Variants in ADRA1B observed in about 807,000 individuals in gnomAD.
ADRA1B encodes alpha-1B adrenergic receptor.
In ADRA1B, 17 loss-of-function variants were observed where a neutral mutation model predicts 17.9. The observed-to-expected ratio is 0.95, with a 90% CI of 0.65 to 1.42. The LOEUF (loss-of-function observed/expected upper bound fraction) is 1.42. Ranked by LOEUF, ADRA1B falls within the 40% of genes most tolerant of loss-of-function variation. The pLI is 0.00. For synonymous variants in ADRA1B, 366 were observed against 327.6 expected, an observed-to-expected ratio of 1.12 and a Z score of -1.27; for missense variants, 681 against 722.1, an observed-to-expected ratio of 0.94 and a Z score of 0.65.
intron 1 of ADRA1B, among the ~76,000 whole-genome samples, chr5:159,943,473 T>A (rs137933882): frequency 2.8e-3 from 430 of 152,244 alleles, no homozygotes; most frequent in African/African-American, 9.9e-3. Context: ...AAGACCCTGA[T>A]GAAAGAATGC....
chr5:159,929,747 G>GA (rs757135242), intron 1 of ADRA1B, among the ~76,000 whole-genome samples: 5,055 of 147,984 alleles, frequency 0.034, 116 homozygotes, highest in Middle Eastern at 0.062. Flanking sequence ...ATTTGAATCA[G>GA]AAAAAAAAAA....
rs769428875 is a variant in ADRA1B, at chr5:159,917,281, G to A, written c.376G>A (p.Val126Ile). Residue 126 changes from valine to isoleucine, a missense_variant, in exon 1 of 2, where the codon GTC becomes ATC. Physicochemically the swap from Val to Ile is conservative, Grantham distance 29. Coordinates refer to ENST00000306675, the MANE Select transcript of ADRA1B (RefSeq NM_000679.4). Reference sequence around the variant, plus strand: ...CTGTGACATCTGGGCAGCCGTGGATGTCCTGTGCTGCACAGCGTCCATTCT... The same window carrying A: ...CTGTGACATCTGGGCAGCCGTGGATATCCTGTGCTGCACAGCGTCCATTCT... ...IFCDIWAAVD[V>I]LCCTASILSL... 1 of 1,614,128 alleles carries A rather than the reference G, an allele frequency of 6.2e-7. No individual in the cohort carries two copies.
chr5:159,987,938 G>A, the ADRA1B span, among the ~76,000 whole-genome samples: 3 of 151,994 alleles, frequency 2.0e-5, no homozygotes, highest in African/African-American at 4.8e-5. Flanking sequence ...CCCCTCGGCC[G>A]GCCGCCCAAA....
At chr5:159,877,138 A>G (rs1446289419) in intron 1 of ADRA1B, among the ~76,000 whole-genome samples, 7 of 152,182 alleles carry the variant, frequency 4.6e-5, no homozygotes, top group African/African-American at 1.2e-4. Flanking sequence ...TTCATAAATC[A>G]AGGCTTGTTG....
chr5:159,887,361 G>T (rs941450082), intron 1 of ADRA1B, among the ~76,000 whole-genome samples: 1 of 152,304 alleles, frequency 6.6e-6, no homozygotes, highest in Non-Finnish European at 1.5e-5. Context: ...TTTCAAGAGG[G>T]AATGTCAGTT....
At chr5:159,886,023 A>C (rs1753919771) in intron 1 of ADRA1B, among the ~76,000 whole-genome samples, 1 of 152,224 alleles carries the variant, frequency 6.6e-6, no homozygotes, top group African/African-American at 2.4e-5. Flanking sequence ...CTGCGCATTT[A>C]ATCTCCATGC....
intron 1 of ADRA1B, among the ~76,000 whole-genome samples, chr5:159,957,929 CAAAA>C (rs35956137): frequency 1.5e-5 from 1 of 66,850 alleles, no homozygotes; most frequent in South Asian, 4.9e-4. Context: ...AACCCCATCT[CAAAA>C]AAAAAAAAAA....
In ADRA1B at chr5:159,941,919, C is replaced by CTTT. The variant is rs70987983; in HGVS notation, c.949+24084_949+24086dup. ...ATGACTGCTAATGGGTACTGGGTTT[C>CTTT]TTTTTTTTTTTTTTTTTTTTTGAGA... is the stretch of plus-strand genomic sequence containing the variant. On this transcript the variant is annotated intron_variant, in intron 1 of 1. Transcript: ENST00000306675. 7.2e-4 allele frequency among the ~76,000 whole-genome samples: 88 copies of CTTT among 122,138 alleles called. 1 individual carries two copies. The highest frequency in any genetic ancestry group is 4.9e-3 in the East Asian group (19 of 3,910). 80.1% of individuals were successfully genotyped at this position (122,138 alleles called of 152,430 possible). A position where few individuals can be genotyped will look rare whatever the true frequency, so the allele number is the denominator to read the frequency against.
chr5:159,917,442 G>T lies in ADRA1B; in HGVS notation c.537G>T (p.Gly179=). The T allele has an allele frequency of 6.2e-7, 1 of 1,614,168 alleles. No homozygotes were observed. The highest frequency in any genetic ancestry group is 8.5e-7 in the Non-Finnish European group (1 of 1,180,042). Residue 179 remains glycine, a synonymous_variant, in exon 1 of 2, where the codon GGG becomes GGT. Coordinates refer to ENST00000306675, the MANE Select transcript of ADRA1B (RefSeq NM_000679.4). The stretch of plus-strand genomic sequence containing the variant: ...TCTTGTCCACCGTCATCTCCATCGG[G>T]CCTCTCCTTGGGTGGAAGGAGCCGG... ...VWVLSTVISI[G]PLLGWKEPAP...
intron 1 of ADRA1B, among the ~76,000 whole-genome samples, chr5:159,909,062 CCAAAT>C (rs1301263978): frequency 6.6e-6 from 1 of 152,190 alleles, no homozygotes; most frequent in Non-Finnish European, 1.5e-5. Flanking sequence ...AGGCAACCTT[CCAAAT>C]CTTTTGGTTT....
chr5:159,970,896 T>C (rs1322312833), intron 1 of ADRA1B, among the ~76,000 whole-genome samples: 1 of 152,166 alleles, frequency 6.6e-6, no homozygotes, highest in African/African-American at 2.4e-5. Flanking sequence ...CCTTGAACTC[T>C]TGGGCTCAAG....
chr5:159,898,683 C>A (rs1035601290), intron 1 of ADRA1B, among the ~76,000 whole-genome samples: 1 of 152,094 alleles, frequency 6.6e-6, no homozygotes, highest in Admixed American at 6.5e-5. Flanking sequence ...GTTACCATGG[C>A]CGTATTGATT....
At chr5:159,960,257 C>T (rs772808704) in intron 1 of ADRA1B, among the ~76,000 whole-genome samples, 43 of 152,214 alleles carry the variant, frequency 2.8e-4, no homozygotes, top group Non-Finnish European at 4.7e-4. Flanking sequence ...GTGTGGACAG[C>T]GTGAATAAAG....
intron 1 of ADRA1B, among the ~76,000 whole-genome samples, chr5:159,964,548 G>A (rs1755738287): frequency 6.6e-6 from 1 of 152,208 alleles, no homozygotes; most frequent in South Asian, 2.1e-4. Flanking sequence ...GGTGGTCCAG[G>A]TGGCAGAATG....
intron 1 of ADRA1B, among the ~76,000 whole-genome samples, chr5:159,881,646 T>G (rs545540099): frequency 6.4e-4 from 98 of 152,218 alleles, no homozygotes; most frequent in African/African-American, 2.3e-3. Context: ...GTATTAGGCA[T>G]CTCTTTAGCA....
At chr5:159,899,279 G>GAAGGAAGGAAGA (rs1554088333) in intron 1 of ADRA1B, among the ~76,000 whole-genome samples, 48 of 138,622 alleles carry the variant, frequency 3.5e-4, no homozygotes, top group African/African-American at 9.7e-4. Context: ...AGGAAGGAAG[G>GAAGGAAGGAAGA]AAGGAAGGAA....
intron 1 of ADRA1B, among the ~76,000 whole-genome samples, chr5:159,907,307 C>G (rs1198468973): frequency 1.3e-5 from 2 of 152,280 alleles, no homozygotes; most frequent in African/African-American, 2.4e-5. Context: ...CTGGATATGG[C>G]AATTTCAGAA....
At chr5:159,884,136 T>A (rs80339776) in intron 1 of ADRA1B, among the ~76,000 whole-genome samples, 25 of 152,176 alleles carry the variant, frequency 1.6e-4, no homozygotes, top group Admixed American at 1.6e-3. Context: ...CAATTATGGA[T>A]GTAGACTTAA....
intron 1 of ADRA1B, among the ~76,000 whole-genome samples, chr5:159,965,268 A>T (rs1051608508): frequency 6.6e-6 from 1 of 152,218 alleles, no homozygotes; most frequent in East Asian, 1.9e-4. Context: ...GCGAGCCATG[A>T]TTCCAAGAGG....
Sources: gnomAD v4.1 joint callset for allele counts (sites outside exome capture counted in the v4.1 genomes callset) on GRCh38, gnomAD v4.1.1 for gene constraint, MANE v1.5 for transcripts, NCBI Gene and HGNC (gene_info 2026-07-23, HGNC 2026-07-21) for gene names.